Variants in OPRM1 observed in about 807,000 individuals in gnomAD.
OPRM1 encodes opioid receptor mu 1, also known as mu-type opioid receptor.
In OPRM1, 27 loss-of-function variants were observed where a neutral mutation model predicts 31.8. That is an observed-to-expected ratio of 0.85 (90% CI 0.63 to 1.17). The LOEUF (loss-of-function observed/expected upper bound fraction) is 1.17, where lower values mean the gene tolerates loss of function less well. Among genes scored for constraint, OPRM1 ranks in the 50% most tolerant of loss-of-function variants. The pLI is 0.00. For missense variants in OPRM1, 536 were observed against 511.1 expected, an observed-to-expected ratio of 1.05 and a Z score of -0.47; for synonymous variants, 196 against 189.9, an observed-to-expected ratio of 1.03 and a Z score of -0.26.
intron 3 of OPRM1, among the ~76,000 whole-genome samples, chr6:154,201,744 A>C (rs985375712): frequency 6.6e-6 from 1 of 152,030 alleles, no homozygotes; most frequent in Non-Finnish European, 1.5e-5. Flanking sequence ...AAAATACAAA[A>C]ATTAGCAGGA....
At chr6:154,215,904 T>A (rs1241151288) in intron 3 of OPRM1, among the ~76,000 whole-genome samples, 5 of 152,122 alleles carry the variant, frequency 3.3e-5, no homozygotes, top group East Asian at 3.8e-4. Context: ...TTTTGAGAAA[T>A]GCACACTCAA....
At chr6:154,088,640 A>T (rs926208037) in intron 1 of OPRM1, among the ~76,000 whole-genome samples, 1 of 152,228 alleles carries the variant, frequency 6.6e-6, no homozygotes, top group African/African-American at 2.4e-5. Context: ...ACAGGTGTAC[A>T]CACGTATCAA....
At chr6:154,194,323 C>G (rs1776408621) in intron 3 of OPRM1, among the ~76,000 whole-genome samples, 1 of 152,018 alleles carries the variant, frequency 6.6e-6, no homozygotes, top group Non-Finnish European at 1.5e-5. Flanking sequence ...CACTTGAACG[C>G]AGGAGGCAGA....
intron 3 of OPRM1, chr6:154,108,357 A>C (rs1292037514): frequency 5.0e-6 from 1 of 200,482 alleles, no homozygotes; most frequent in African/African-American, 2.3e-5. Context: ...CAGAAAAGAT[A>C]GGAAAGGAAA....
intron 1 of OPRM1, among the ~76,000 whole-genome samples, chr6:154,015,115 T>C (rs1389657305): frequency 6.6e-6 from 1 of 152,088 alleles, no homozygotes; most frequent in Non-Finnish European, 1.5e-5. Flanking sequence ...CTCAGGTAAT[T>C]TTGAAATTTA....
In OPRM1 at chr6:154,039,242, C is replaced by T. The variant is rs1779523625; in HGVS notation, c.-303C>T. 4 of 1,551,628 alleles carry T rather than the reference C, an allele frequency of 2.6e-6. No individual in the cohort carries two copies. The highest frequency in any genetic ancestry group is 1.4e-5 in the African/African-American group (1 of 73,042). On this transcript the variant is annotated 5_prime_UTR_variant, in exon 1 of 4. Transcript: ENST00000330432. Reference sequence around the variant, plus strand: ...GCAAAATCCACCCCTTTTCCCTCCTCCCTCCCTTCCAGCCTCCGAATCCCG... The same window carrying T: ...GCAAAATCCACCCCTTTTCCCTCCTTCCTCCCTTCCAGCCTCCGAATCCCG...
intron 3 of OPRM1, among the ~76,000 whole-genome samples, chr6:154,173,716 G>A (rs1220179208): frequency 1.3e-5 from 2 of 152,160 alleles, no homozygotes; most frequent in East Asian, 1.9e-4. Context: ...TGAAAGTGAC[G>A]GGGAGAATGG....
intron 1 of OPRM1, among the ~76,000 whole-genome samples, chr6:154,041,644 A>T (rs1046126243): frequency 7.2e-4 from 106 of 147,692 alleles, no homozygotes; most frequent in African/African-American, 2.3e-3. Context: ...TTTTTTTTTT[A>T]TTGTGCTGGC....
At chr6:154,072,050 G>A (rs567436820) in intron 1 of OPRM1, among the ~76,000 whole-genome samples, 9 of 152,118 alleles carry the variant, frequency 5.9e-5, no homozygotes, top group East Asian at 3.9e-4. Flanking sequence ...GGTCTTTCTC[G>A]CAATTACTCA....
chr6:154,063,162 T>C lies in OPRM1; in HGVS notation c.290+23328T>C, dbSNP rs1438693654. On this transcript the variant is annotated intron_variant, in intron 1 of 3. Transcript: ENST00000330432. ...CAATGCTAACAATGTTAAACATTTT[T>C]GTCTTTGACAATTGTTCTAAACTTC... Among the ~76,000 whole-genome samples the C allele has an allele frequency of 2.6e-5, 4 of 152,194 alleles. No homozygotes were observed. The East Asian group carries it at 5.8e-4, about 22-fold the overall frequency.
At chr6:154,094,691 A>G (rs528818411) in intron 3 of OPRM1, among the ~76,000 whole-genome samples, 1 of 152,236 alleles carries the variant, frequency 6.6e-6, no homozygotes, top group South Asian at 2.1e-4. Context: ...GAGAGAGAGA[A>G]AAGAGGAAAG....
intron 3 of OPRM1, among the ~76,000 whole-genome samples, chr6:154,229,978 T>C: frequency 6.6e-6 from 1 of 152,190 alleles, no homozygotes; most frequent in African/African-American, 2.4e-5. Context: ...CAGTTATGAC[T>C]GTGTGATTCC....
At chr6:154,148,258 T>C (rs1798407547) in intron 3 of OPRM1, among the ~76,000 whole-genome samples, 1 of 152,238 alleles carries the variant, frequency 6.6e-6, no homozygotes, top group South Asian at 2.1e-4. Flanking sequence ...GGTGAAATCC[T>C]TGTCTTTCAT....
At chr6:154,113,036 G>A (rs967123296) in intron 3 of OPRM1, among the ~76,000 whole-genome samples, 1 of 152,304 alleles carries the variant, frequency 6.6e-6, no homozygotes, top group South Asian at 2.1e-4. Context: ...CCACCATACC[G>A]TGGATATTAA....
Position 154,097,463 on chromosome 6 carries a change from G to GA in OPRM1, c.1164+5999dup, listed in dbSNP as rs538268647. Among the ~76,000 whole-genome samples the GA allele has an allele frequency of 1.1e-3, 169 of 151,592 alleles. 1 individual carries two copies. Among genetic ancestry groups the GA allele is most frequent in the Non-Finnish European group, 1.9e-3 (130 of 67,852 alleles). On this transcript the variant is annotated intron_variant, in intron 3 of 3. Coordinates refer to ENST00000330432, the MANE Select transcript of OPRM1 (RefSeq NM_000914.5). ...GAAAGTAATTGTTTCAATTCAATGG[G>GA]AAAAAAAACTCAAATGAGAATAGCT...
intron 3 of OPRM1, among the ~76,000 whole-genome samples, chr6:154,099,891 ATAT>A (rs1308148429): frequency 3.4e-5 from 5 of 145,486 alleles, no homozygotes; most frequent in Non-Finnish European, 6.0e-5. Flanking sequence ...ATAACATATT[ATAT>A]ATTATATTAT....
chr6:154,067,800 G>GT (rs1785771770), intron 1 of OPRM1, among the ~76,000 whole-genome samples: 1 of 151,848 alleles, frequency 6.6e-6, no homozygotes, highest in Non-Finnish European at 1.5e-5. Context: ...TGCTTTATAT[G>GT]TTTTTTAATG....
chr6:154,205,431 C>T (rs1404104099), intron 3 of OPRM1, among the ~76,000 whole-genome samples: 2 of 152,092 alleles, frequency 1.3e-5, no homozygotes, highest in Admixed American at 1.3e-4. Context: ...CCTGTCTCTA[C>T]TAAAAATACA....
Position 154,207,363 on chromosome 6 carries a change from T to G in OPRM1, c.1165-39330T>G, listed in dbSNP as rs117267561. ...TGAGGAGAAAGGGTGAATTTTTCTG[T>G]CTACCTTTTTCTTGTATATATAGTC... On this transcript the variant is annotated intron_variant, in intron 3 of 3. Transcript: ENST00000337049. Among the ~76,000 whole-genome samples the G allele has an allele frequency of 8.5e-3, 1,302 of 152,364 alleles. 13 individuals are homozygous for G. The highest frequency in any genetic ancestry group is 0.024 in the Middle Eastern group (7 of 294).
Sources: gnomAD v4.1 joint callset for allele counts (sites outside exome capture counted in the v4.1 genomes callset) on GRCh38, gnomAD v4.1.1 for gene constraint, MANE v1.5 for transcripts, NCBI Gene and HGNC (gene_info 2026-07-23, HGNC 2026-07-21) for gene names.